Variants in TSPEAR observed in about 807,000 individuals in gnomAD.
TSPEAR encodes thrombospondin type laminin G domain and EAR repeats.
Under a neutral mutation model 71.6 loss-of-function variants are expected in TSPEAR, and 69 were observed. The ratio of observed to expected loss-of-function variants is 0.96; its 90% CI spans 0.79 to 1.18. TSPEAR has a LOEUF of 1.18. Among genes scored for constraint, TSPEAR ranks in the 50% most tolerant of loss-of-function variants. The pLI, the probability that TSPEAR is intolerant of heterozygous loss-of-function variation, is 0.00. For synonymous variants in TSPEAR, 402 were observed against 387.2 expected, an observed-to-expected ratio of 1.04 and a Z score of -0.45; for missense variants, 971 against 894.9, an observed-to-expected ratio of 1.09 and a Z score of -1.09.
intron 1 of TSPEAR, among the ~76,000 whole-genome samples, chr21:44,583,910 G>T (rs989474480): frequency 6.6e-6 from 1 of 152,100 alleles, no homozygotes; most frequent in South Asian, 2.1e-4. Context: ...GTGTTACTGC[G>T]TCACATTCTG....
intron 1 of TSPEAR, among the ~76,000 whole-genome samples, chr21:44,569,240 A>G (rs2053752007): frequency 6.6e-6 from 1 of 152,216 alleles, no homozygotes; most frequent in Non-Finnish European, 1.5e-5. Flanking sequence ...CCTGGTCCGC[A>G]CACGCGCACA....
chr21:44,617,928 A>G (rs1483612738), intron 1 of TSPEAR, among the ~76,000 whole-genome samples: 9 of 152,240 alleles, frequency 5.9e-5, no homozygotes, highest in Non-Finnish European at 1.0e-4. Flanking sequence ...GTGTTAGCAG[A>G]TTTCAAATTC....
chr21:44,702,058 C>A (rs563528815), intron 1 of TSPEAR, among the ~76,000 whole-genome samples: 4 of 152,184 alleles, frequency 2.6e-5, no homozygotes, highest in African/African-American at 9.7e-5. Flanking sequence ...GCCAGAGAGA[C>A]CCTAAGTGCC....
chr21:44,539,160 GA>G lies in TSPEAR; in HGVS notation c.304-5238del, dbSNP rs750622357. 1.2e-3 allele frequency: 1,628 copies of G among 1,388,398 alleles called. 4 individuals are homozygous for G. Among genetic ancestry groups the G allele is most frequent in the Non-Finnish European group, 1.5e-3 (1,556 of 1,052,782 alleles). 86.0% of individuals were successfully genotyped at this position (1,388,398 alleles called of 1,614,324 possible). A position where few individuals can be genotyped will look rare whatever the true frequency, so the allele number is the denominator to read the frequency against. ...AAGGATGGAGGCTCCTGGGAGCAAGGAGGGGGGGTCACCTCAGCACAGGGGA... is the reference window on the plus strand; with the variant it reads ...AAGGATGGAGGCTCCTGGGAGCAAGGGGGGGGGTCACCTCAGCACAGGGGA... On this transcript the variant is annotated intron_variant, in intron 2 of 11. Transcript: ENST00000323084.
chr21:44,686,247 G>T (rs551838918), intron 1 of TSPEAR: 2 of 152,492 alleles, frequency 1.3e-5, no homozygotes, highest in South Asian at 2.1e-4. Context: ...CAGCTCAGAG[G>T]TTCCTGAACT....
At chr21:44,698,007 G>A (rs1217471212) in intron 1 of TSPEAR, 1 of 1,541,976 alleles carries the variant, frequency 6.5e-7, no homozygotes, top group African/African-American at 1.4e-5. Flanking sequence ...GGCACTATGA[G>A]TCCCCCACCT....
intron 1 of TSPEAR, chr21:44,600,666 C>T (rs782022332): frequency 3.3e-5 from 53 of 1,613,272 alleles, no homozygotes; most frequent in South Asian, 1.6e-4. Flanking sequence ...ACCTGAGCTA[C>T]GGCAGCCGCG....
intron 1 of TSPEAR, among the ~76,000 whole-genome samples, chr21:44,707,623 G>T (rs1988002567): frequency 6.6e-6 from 1 of 152,154 alleles, no homozygotes; most frequent in African/African-American, 2.4e-5. Flanking sequence ...TTATAGTTTA[G>T]AATTTTATAA....
At chr21:44,637,584 C>A in intron 1 of TSPEAR, 1 of 1,613,856 alleles carries the variant, frequency 6.2e-7, no homozygotes, top group Middle Eastern at 1.7e-4. Context: ...TGCCAGACGG[C>A]CTGTGAGCCC....
chr21:44,534,883 G>A (rs907835253), intron 2 of TSPEAR, among the ~76,000 whole-genome samples: 1 of 152,186 alleles, frequency 6.6e-6, no homozygotes, highest in Non-Finnish European at 1.5e-5. Context: ...AAGTGTCCAC[G>A]AACGGATGGA....
intron 2 of TSPEAR, among the ~76,000 whole-genome samples, chr21:44,552,110 G>C (rs1373102776): frequency 2.6e-5 from 4 of 152,346 alleles, no homozygotes; most frequent in Non-Finnish European, 5.9e-5. Flanking sequence ...TTGGGGACTG[G>C]CCTTTGGGTC....
chr21:44,513,947 TGA>T (rs2052475917), intron 9 of TSPEAR, among the ~76,000 whole-genome samples: 1 of 152,044 alleles, frequency 6.6e-6, no homozygotes, highest in South Asian at 2.1e-4. Flanking sequence ...GTGACTCCCT[TGA>T]GAGAACTGGG....
intron 9 of TSPEAR, among the ~76,000 whole-genome samples, chr21:44,516,841 A>G (rs2052587771): frequency 6.6e-6 from 1 of 151,910 alleles, no homozygotes; most frequent in Non-Finnish European, 1.5e-5. Context: ...ACAAGTTTCT[A>G]GTTGTCCCCT....
Position 44,687,427 on chromosome 21 carries a change from C to A in TSPEAR, c.82+24006G>T, listed in dbSNP as rs147476452. 2.0e-3 allele frequency among the ~76,000 whole-genome samples: 301 copies of A among 152,274 alleles called. No homozygotes were observed. Among genetic ancestry groups the A allele is most frequent in the African/African-American group, 6.5e-3 (272 of 41,568 alleles). ...GATGGATAAACACAGCGTGACAGAG[C>A]GGTACAGCGGAATCCACACCAGCAC... is the stretch of plus-strand genomic sequence containing the variant. On this transcript the variant is annotated intron_variant, in intron 1 of 11. Transcript: ENST00000323084. The surrounding 1 kb of genome is among the most constrained non-coding windows in gnomAD (Gnocchi z 4.4).
intron 1 of TSPEAR, chr21:44,647,784 C>T (rs587697113): frequency 2.1e-5 from 5 of 233,542 alleles, no homozygotes; most frequent in African/African-American, 9.0e-5. Context: ...ACTTGGAAGA[C>T]AGCAGGCTTT....
intron 1 of TSPEAR, among the ~76,000 whole-genome samples, chr21:44,568,913 CTT>C (rs1555922147): frequency 6.6e-6 from 1 of 152,168 alleles, no homozygotes; most frequent in African/African-American, 2.4e-5. Flanking sequence ...TAGGGTTCAT[CTT>C]CCCCCACGTG....
At chr21:44,651,365 G>A (rs911576876) in intron 1 of TSPEAR, among the ~76,000 whole-genome samples, 3 of 152,222 alleles carry the variant, frequency 2.0e-5, no homozygotes, top group African/African-American at 7.2e-5. Context: ...TGTGTGTCCT[G>A]TGGCCACAAA....
chr21:44,590,178 CA>C (rs1979677965), intron 1 of TSPEAR, among the ~76,000 whole-genome samples: 1 of 152,240 alleles, frequency 6.6e-6, no homozygotes, highest in Non-Finnish European at 1.5e-5. Context: ...CGTTGACATG[CA>C]AGGGTCATTT....
chr21:44,676,521 A>G (rs1380801121), intron 1 of TSPEAR: 33 of 760,766 alleles, frequency 4.3e-5, no homozygotes, highest in African/African-American at 3.9e-4. Context: ...CATAGGCGGT[A>G]TTTATATCCA....
Sources: gnomAD v4.1 joint callset for allele counts (sites outside exome capture counted in the v4.1 genomes callset) on GRCh38, gnomAD v4.1.1 for gene constraint, Gnocchi (gnomAD v3.1) non-coding constraint, MANE v1.5 for transcripts, NCBI Gene and HGNC (gene_info 2026-07-23, HGNC 2026-07-21) for gene names.